MYO3A: variants seen among roughly 807,000 people sequenced by gnomAD.
MYO3A encodes the protein myosin-IIIa.
MYO3A carries 180 observed loss-of-function variants against 192.7 expected under a neutral mutation model. That is an observed-to-expected ratio of 0.93 (90% CI 0.83 to 1.06). The LOEUF (loss-of-function observed/expected upper bound fraction) is 1.06, where lower values mean the gene tolerates loss of function less well. MYO3A is among the 50% of genes least tolerant of loss of function. MYO3A has a pLI of 0.00. For synonymous variants in MYO3A, 628 were observed against 645.3 expected (o/e 0.97, Z 0.41); for missense variants, 1,896 against 1,905.0 (o/e 1.00, Z 0.09).
At position 26,193,240 on chromosome 10, in the gene MYO3A, C is replaced by T. The variant is rs368473860; in HGVS notation, c.4474C>T (p.Pro1492Ser). ...AGGAGAGGAGCCAAAAATATTGAGACCCCCAAGACGACCCCGGAAACCCAA... is the reference window on the plus strand; with the variant it reads ...AGGAGAGGAGCCAAAAATATTGAGATCCCCAAGACGACCCCGGAAACCCAA... The part of the protein sequence containing the change: ...CKGEEPKILR[P>S]PRRPRKPKTL... Residue 1492 changes from proline to serine, a missense_variant, in exon 32 of 35, where the codon CCC becomes TCC. Pro to Ser is a moderately conservative substitution (Grantham distance 74). Transcript: ENST00000642920. 6.2e-7 allele frequency: 1 copy of T among 1,613,770 alleles called. No individual in the cohort carries two copies. The highest frequency in any genetic ancestry group is 1.3e-5 in the African/African-American group (1 of 74,866).
At position 26,147,429 on chromosome 10, in the gene MYO3A, G is replaced by C. The variant is rs201023600; in HGVS notation, c.2506-1G>C. 1.9e-6 allele frequency: 3 copies of C among 1,611,600 alleles called. No individual in the cohort carries two copies. Among genetic ancestry groups the C allele is most frequent in the Non-Finnish European group, 2.5e-6 (3 of 1,177,838 alleles). ...ATAATTATAGCATACTGTATCAACA[G>C]GTCCTCTATAATGCAAGTGGATTCT... On this transcript the variant is annotated splice_acceptor_variant, in intron 22 of 34. Transcript: ENST00000642920. LOFTEE classifies it high-confidence loss of function.
In MYO3A at chr10:26,173,966, A is replaced by G. The variant is rs1842183001; in HGVS notation, c.3702A>G (p.Glu1234=). Residue 1234 remains glutamate (E), a synonymous_variant, in exon 30 of 35, where the codon GAA becomes GAG. Coordinates refer to ENST00000642920, the MANE Select transcript of MYO3A (RefSeq NM_017433.5). The stretch of plus-strand genomic sequence containing the variant: ...ATCTAAGGAAAGTGGAGAAAGAGGA[A>G]GCTATGATCCAGAGTTACTATCAGA... The part of the protein sequence containing the change: ...NSNLRKVEKE[E]AMIQSYYQRY... 6.2e-7 allele frequency: 1 copy of G among 1,607,838 alleles called. No homozygotes were observed. Among genetic ancestry groups the G allele is most frequent in the African/African-American group, 1.3e-5 (1 of 74,322 alleles).
chr10:26,054,143 G>A (rs1588869793), intron 10 of MYO3A, among the ~76,000 whole-genome samples: 1 of 107,236 alleles, frequency 9.3e-6, no homozygotes, highest in African/African-American at 3.1e-5. Flanking sequence ...CTTACTTTGA[G>A]TGAGTGACAT....
intron 10 of MYO3A, among the ~76,000 whole-genome samples, chr10:26,038,491 T>A (rs1843154269): frequency 1.3e-5 from 2 of 152,218 alleles, no homozygotes; most frequent in Admixed American, 1.3e-4. Context: ...GATTCCTTTT[T>A]CACATTGTTT....
chr10:26,176,580 C>G lies in MYO3A; in HGVS notation c.4294-121C>G, dbSNP rs554780557. 18 of 848,406 alleles carry G rather than the reference C, an allele frequency of 2.1e-5. No homozygotes were observed. In the African/African-American group the frequency reaches 3.0e-4, roughly 14 times the overall value. 52.6% of individuals were successfully genotyped at this position (848,406 alleles called of 1,614,324 possible). A position where few individuals can be genotyped will look rare whatever the true frequency, so the allele number is the denominator to read the frequency against. ...ACCTTGGTGCAAGGGACAGGGTGGG[C>G]CCTGGAGAGGAACATGAGAGTCCCC... is the stretch of plus-strand genomic sequence containing the variant. On this transcript the variant is annotated intron_variant, in intron 30 of 34. Coordinates refer to ENST00000642920, the MANE Select transcript of MYO3A (RefSeq NM_017433.5).
Position 26,154,757 on chromosome 10 carries a change from A to G in MYO3A, c.2727A>G (p.Gly909=). Residue 909 remains glycine (G), a synonymous_variant, in exon 25 of 35, where the codon GGA becomes GGG. Coordinates refer to ENST00000642920, the MANE Select transcript of MYO3A (RefSeq NM_017433.5). The stretch of plus-strand genomic sequence containing the variant: ...CTTGGTCTCCTTAGGGCGACACTGG[A>G]GAAGCCACACGTCATGCCAGAGAGA... ...KLINLAKGDT[G]EATRHARETT... The G allele has an allele frequency of 6.2e-7, 1 of 1,613,812 alleles. No homozygotes were observed. Among genetic ancestry groups the G allele is most frequent in the Non-Finnish European group, 8.5e-7 (1 of 1,179,824 alleles).
intron 34 of MYO3A, among the ~76,000 whole-genome samples, chr10:26,205,954 A>G (rs1216172197): frequency 2.0e-5 from 3 of 151,086 alleles, no homozygotes; most frequent in African/African-American, 7.3e-5. Context: ...AGGGTATTCC[A>G]TTGTGTACAT....
At chr10:26,024,151 C>T in intron 9 of MYO3A, 64 bp downstream of exon 9, 1 of 1,422,694 alleles carries the variant, frequency 7.0e-7, no homozygotes, top group Non-Finnish European at 9.9e-7. Context: ...AAATCTCCTC[C>T]TATTTCTTCT....
intron 10 of MYO3A, among the ~76,000 whole-genome samples, chr10:26,039,197 G>T (rs142947426): frequency 0.17 from 24,500 of 147,234 alleles, 2,301 homozygotes; most frequent in Non-Finnish European, 0.21. Context: ...GGCACCACCA[G>T]GCTCGGCTAA....
intron 31 of MYO3A, among the ~76,000 whole-genome samples, chr10:26,182,449 A>C (rs2132086819): frequency 6.6e-6 from 1 of 152,292 alleles, no homozygotes; most frequent in South Asian, 2.1e-4. Context: ...GGAACCAAAA[A>C]CCCTTTTATC....
At chr10:25,975,927 G>C (rs181786709) in intron 4 of MYO3A, among the ~76,000 whole-genome samples, 15 of 152,284 alleles carry the variant, frequency 9.9e-5, no homozygotes, top group Non-Finnish European at 1.2e-4. Flanking sequence ...ATCTAATAAA[G>C]TGTACCCACC....
At chr10:26,200,287 T>C (rs533940707) in intron 32 of MYO3A, among the ~76,000 whole-genome samples, 88 of 152,188 alleles carry the variant, frequency 5.8e-4, no homozygotes, top group Non-Finnish European at 6.2e-4. Flanking sequence ...TGACTTACTG[T>C]GTCTCTAAGA....
chr10:26,025,930 A>T (rs1564471442), intron 9 of MYO3A, among the ~76,000 whole-genome samples: 1 of 152,254 alleles, frequency 6.6e-6, no homozygotes, highest in Non-Finnish European at 1.5e-5. Flanking sequence ...AGAAAGAAAC[A>T]GATCAATTGA....
chr10:26,053,432 C>T (rs1307908689), intron 10 of MYO3A, among the ~76,000 whole-genome samples: 1 of 152,066 alleles, frequency 6.6e-6, no homozygotes, highest in Middle Eastern at 3.4e-3. Flanking sequence ...CAAAACAAAA[C>T]CTGTTTTCAT....
chr10:26,135,685 A>C lies in MYO3A; in HGVS notation c.2262+7147A>C, dbSNP rs554433979. On this transcript the variant is annotated intron_variant, in intron 20 of 34. Coordinates refer to ENST00000642920, the MANE Select transcript of MYO3A (RefSeq NM_017433.5). ...GCATCTTTGCCATGTCCTAAAGAAC[A>C]GAAACTCGACCGGGCGCAGTGGCTC... 4.0e-4 allele frequency among the ~76,000 whole-genome samples: 61 copies of C among 152,178 alleles called. No individual in the cohort carries two copies. The Middle Eastern group carries it at 0.01, about 25-fold the overall frequency.
At chr10:26,001,152 TCA>T (rs757862347) in intron 6 of MYO3A, among the ~76,000 whole-genome samples, 86 of 152,212 alleles carry the variant, frequency 5.7e-4, no homozygotes, top group Non-Finnish European at 1.1e-3. Context: ...GATGTCACCC[TCA>T]CACTTCCTAC....
At chr10:25,978,884 C>T (rs1323111209) in intron 4 of MYO3A, among the ~76,000 whole-genome samples, 1 of 152,042 alleles carries the variant, frequency 6.6e-6, no homozygotes, top group Non-Finnish European at 1.5e-5. Context: ...TGATATGGTA[C>T]TATTGTTGCT....
chr10:26,168,696 T>C lies in MYO3A; in HGVS notation c.3112-16T>C, dbSNP rs1398275379. On this transcript the variant is annotated splice_polypyrimidine_tract_variant and intron_variant, in intron 27 of 34. Transcript: ENST00000642920. Reference sequence around the variant, plus strand: ...CTGTGTGCCATGGTTCTTTGTATTATATTTTAATTTTTCAGGTGTTCCTTA... The same window carrying C: ...CTGTGTGCCATGGTTCTTTGTATTACATTTTAATTTTTCAGGTGTTCCTTA... 2.5e-6 allele frequency: 4 copies of C among 1,608,938 alleles called. No homozygotes were observed. Among genetic ancestry groups the C allele is most frequent in the Non-Finnish European group, 3.4e-6 (4 of 1,176,704 alleles).
chr10:26,119,564 G>A (rs1838727096), intron 17 of MYO3A, among the ~76,000 whole-genome samples: 1 of 151,986 alleles, frequency 6.6e-6, no homozygotes, highest in South Asian at 2.1e-4. Context: ...GCTTTTATCT[G>A]GACTTGGAAT....
Sources: allele counts gnomAD v4.1 joint callset (sites outside exome capture counted in the v4.1 genomes callset), GRCh38; gene constraint gnomAD v4.1.1; transcripts MANE v1.5; gene names NCBI Gene and HGNC (gene_info 2026-07-23, HGNC 2026-07-21).